KYAT1: variants seen among roughly 807,000 people sequenced by gnomAD.
The protein encoded by KYAT1 is kynurenine--oxoglutarate transaminase 1.
A neutral mutation model predicts 52.4 loss-of-function variants in KYAT1; 47 were observed. The ratio of observed to expected loss-of-function variants is 0.90; its 90% CI spans 0.71 to 1.14. The LOEUF is 1.14. KYAT1 is among the 50% of genes most tolerant of loss of function. The probability of loss-of-function intolerance (pLI) is 0.00; values close to 1 mark genes in which losing one functional copy is unlikely to be tolerated. For missense variants in KYAT1, 480 were observed against 557.9 expected, an observed-to-expected ratio of 0.86 and a Z score of 1.41; for synonymous variants, 212 against 209.6, an observed-to-expected ratio of 1.01 and a Z score of -0.10.
chr9:128,836,234 T>TTTCC (rs10627118), intron 7 of KYAT1, 161 bp from the exon 8 acceptor site: 246,261 of 431,254 alleles, frequency 0.57, 70,952 homozygotes, highest in Admixed American at 0.66. Flanking sequence ...CTTCCTTTCC[T>TTTCC]TTCCTTCCTT....
chr9:128,856,556 G>T (rs1175109814), intron 1 of KYAT1, among the ~76,000 whole-genome samples: 2 of 152,202 alleles, frequency 1.3e-5, no homozygotes, highest in South Asian at 2.1e-4. Context: ...GCTTTGCTGA[G>T]ATGTTGTTAA....
chr9:128,845,930 G>C (rs1261660579), intron 1 of KYAT1, among the ~76,000 whole-genome samples: 1 of 152,190 alleles, frequency 6.6e-6, no homozygotes, highest in African/African-American at 2.4e-5. Context: ...ACAGAGGCTG[G>C]AGGGTGCAGG....
intron 1 of KYAT1, among the ~76,000 whole-genome samples, chr9:128,852,657 T>C (rs181897529): frequency 6.6e-6 from 1 of 152,308 alleles, no homozygotes; most frequent in East Asian, 1.9e-4. Context: ...TTCCATTATT[T>C]GGGAATGCAG....
intron 1 of KYAT1, among the ~76,000 whole-genome samples, chr9:128,873,174 AT>A: frequency 6.6e-6 from 1 of 151,830 alleles, no homozygotes; most frequent in South Asian, 2.1e-4. Context: ...TAATAAGACA[AT>A]TGTTCTGTGA....
At chr9:128,849,318 G>A (rs1336821156) in intron 1 of KYAT1, among the ~76,000 whole-genome samples, 1 of 149,662 alleles carries the variant, frequency 6.7e-6, no homozygotes, top group Non-Finnish European at 1.5e-5. Flanking sequence ...GGCTGAGGCA[G>A]GAGAATCGCT....
At chr9:128,848,410 A>G (rs1833437334) in intron 1 of KYAT1, among the ~76,000 whole-genome samples, 1 of 152,174 alleles carries the variant, frequency 6.6e-6, no homozygotes, top group Admixed American at 6.6e-5. Context: ...TAATGCAAAC[A>G]TACAGGAACC....
chr9:128,863,788 C>T lies in KYAT1; in HGVS notation c.-7+18109G>A, dbSNP rs566857940. Among the ~76,000 whole-genome samples the T allele has an allele frequency of 1.1e-4, 17 of 152,310 alleles. No individual in the cohort carries two copies. The East Asian group carries it at 3.1e-3, about 28-fold the overall frequency. ...CAGGCCCCTCGTGGCTTTGAGGTTGCTGGCCCAGGTCACAGAGCAACCTGC... is the reference window on the plus strand; with the variant it reads ...CAGGCCCCTCGTGGCTTTGAGGTTGTTGGCCCAGGTCACAGAGCAACCTGC... On this transcript the variant is annotated intron_variant, in intron 1 of 12. Coordinates refer to ENST00000302586, the MANE Select transcript of KYAT1 (RefSeq NM_004059.5).
At chr9:128,841,467 G>A (rs987266015) in intron 3 of KYAT1, among the ~76,000 whole-genome samples, 2 of 151,880 alleles carry the variant, frequency 1.3e-5, no homozygotes, top group Non-Finnish European at 1.5e-5. Flanking sequence ...GTTGCAGTGA[G>A]CCGAGATCGT....
chr9:128,836,173 C>G, intron 7 of KYAT1, 100 bp from the exon 8 acceptor site: 1 of 939,912 alleles, frequency 1.1e-6, no homozygotes, highest in Admixed American at 2.3e-5. Context: ...CTTTTGACAC[C>G]CTGGATTCCT....
intron 1 of KYAT1, among the ~76,000 whole-genome samples, chr9:128,854,656 TCTCA>T (rs1401335222): frequency 1.3e-5 from 2 of 152,226 alleles, no homozygotes; most frequent in Admixed American, 1.3e-4. Context: ...TGGTGGTAAG[TCTCA>T]CTATGTCTGC....
chr9:128,873,369 A>G (rs1381706195), intron 1 of KYAT1, among the ~76,000 whole-genome samples: 4 of 150,874 alleles, frequency 2.7e-5, no homozygotes, highest in Admixed American at 2.0e-4. Context: ...AAATGAAAAA[A>G]AAAAAAAACT....
At chr9:128,876,564 C>G (rs938416420) in intron 1 of KYAT1, among the ~76,000 whole-genome samples, 2 of 151,540 alleles carry the variant, frequency 1.3e-5, no homozygotes, top group Non-Finnish European at 2.9e-5. Flanking sequence ...ACTACAGGCG[C>G]CCGCCACCAC....
At chr9:128,840,405 C>A (rs1364047391) in intron 3 of KYAT1, among the ~76,000 whole-genome samples, 1 of 152,138 alleles carries the variant, frequency 6.6e-6, no homozygotes, top group East Asian at 1.9e-4. Context: ...ATTACAGGCA[C>A]CCACCACCAC....
intron 1 of KYAT1, among the ~76,000 whole-genome samples, chr9:128,876,097 C>T (rs1467101484): frequency 1.3e-5 from 2 of 152,114 alleles, no homozygotes; most frequent in Non-Finnish European, 2.9e-5. Context: ...CCTCCACCTT[C>T]CCTCCCTTTA....
rs575651890 is a variant in KYAT1, at chr9:128,835,817, G to A, written c.817C>T (p.His273Tyr). Residue 273 changes from histidine to tyrosine, a missense_variant, in exon 9 of 13, where the codon CAC becomes TAC. His to Tyr is a moderately conservative substitution (Grantham distance 83, BLOSUM62 2). Transcript: ENST00000302586. ...DHIMKHLRTV[H>Y]QNSVFHCPTQ... ...GGGCAGTGGAAGACGGAGTTCTGGT[G>A]CACGGTCCGCAGGTGCTTCATGATG... 1 of 1,613,854 alleles carries A rather than the reference G, an allele frequency of 6.2e-7. No individual in the cohort carries two copies. The highest frequency in any genetic ancestry group is 2.2e-5 in the East Asian group (1 of 44,870).
At chr9:128,839,835 T>C (rs1022571232) in intron 3 of KYAT1, among the ~76,000 whole-genome samples, 3 of 152,116 alleles carry the variant, frequency 2.0e-5, no homozygotes, top group Non-Finnish European at 4.4e-5. Context: ...GAGGGTTGCT[T>C]GAGGCCAGGA....
In KYAT1 at chr9:128,835,264, C is replaced by T; in HGVS notation, c.1122+59G>A. The T allele has an allele frequency of 2.1e-6, 3 of 1,459,780 alleles. No homozygotes were observed. In the South Asian group the frequency reaches 3.4e-5, roughly 17 times the overall value. The allele number at this position is 1,459,780 out of a possible 1,614,324, so 90.4% of individuals were successfully genotyped here. Reference sequence around the variant, plus strand: ...CCCAGGAGCCTCTTGCCTGGGCACCCTTGAGCAGCACACAACCTGTGAAAC... The same window carrying T: ...CCCAGGAGCCTCTTGCCTGGGCACCTTTGAGCAGCACACAACCTGTGAAAC... On this transcript the variant is annotated intron_variant, in intron 11 of 12. Coordinates refer to ENST00000302586, the MANE Select transcript of KYAT1 (RefSeq NM_004059.5).
chr9:128,836,023 T>C lies in KYAT1; in HGVS notation c.739A>G (p.Lys247Glu). The C allele has an allele frequency of 6.2e-7, 1 of 1,613,858 alleles. No homozygotes were observed. Among genetic ancestry groups the C allele is most frequent in the Non-Finnish European group, 8.5e-7 (1 of 1,179,814 alleles). ...ERTLTIGSAG[K>E]TFSATGWKVG... ...TTCCAGCCAGTGGCGCTGAAGGTCT[T>C]GCCGGCGCTGCCGATGGTCAGGGTC... The change falls in exon 8 of 13, where the codon AAG becomes GAG. Residue 247 changes from lysine (K) to glutamate (E), a missense_variant. Transcript: ENST00000302586.
intron 3 of KYAT1, chr9:128,842,073 TC>T: frequency 6.5e-6 from 2 of 307,504 alleles, no homozygotes; most frequent in South Asian, 2.7e-5. Context: ...ACACCTGTAG[TC>T]CCAGTTACTC....
Sources: gnomAD v4.1 joint callset for allele counts (sites outside exome capture counted in the v4.1 genomes callset) on GRCh38, gnomAD v4.1.1 for gene constraint, MANE v1.5 for transcripts, NCBI Gene and HGNC (gene_info 2026-07-23, HGNC 2026-07-21) for gene names.